Variants in MICU1 observed in about 807,000 individuals in gnomAD.
MICU1 encodes mitochondrial calcium uptake 1, also known as calcium uptake protein 1, mitochondrial.
MICU1 carries 45 observed loss-of-function variants against 56.8 expected under a neutral mutation model. The observed-to-expected ratio is 0.79, with a 90% CI of 0.62 to 1.02. The LOEUF (loss-of-function observed/expected upper bound fraction) is 1.02, where lower values mean the gene tolerates loss of function less well. Among genes scored for constraint, MICU1 ranks in the 50% least tolerant of loss-of-function variants. MICU1 has a pLI of 0.00. For missense variants in MICU1, 504 were observed against 587.1 expected (o/e 0.86, Z 1.46); for synonymous variants, 186 against 195.1 (o/e 0.95, Z 0.39).
intron 1 of MICU1, among the ~76,000 whole-genome samples, chr10:72,599,432 CA>C (rs777957465): frequency 1.3e-5 from 2 of 152,136 alleles, no homozygotes; most frequent in Admixed American, 6.6e-5. Flanking sequence ...CTGAACCATG[CA>C]ACTCCATCCC....
At chr10:72,402,951 G>A (rs1196676147) in intron 10 of MICU1, among the ~76,000 whole-genome samples, 3 of 152,196 alleles carry the variant, frequency 2.0e-5, no homozygotes, top group Non-Finnish European at 4.4e-5. Context: ...AGGCTGATGT[G>A]AGAGGATTGC....
chr10:72,578,853 C>T (rs989123788), intron 1 of MICU1, among the ~76,000 whole-genome samples: 14 of 152,214 alleles, frequency 9.2e-5, no homozygotes, highest in African/African-American at 3.4e-4. Flanking sequence ...GATCCATCCG[C>T]CTTGGCCTCC....
intron 1 of MICU1, among the ~76,000 whole-genome samples, chr10:72,577,725 AT>A (rs1840786418): frequency 6.6e-6 from 1 of 152,202 alleles, no homozygotes; most frequent in African/African-American, 2.4e-5. Context: ...AATTAAAAAA[AT>A]TTTTTTTAAA....
At chr10:72,450,723 A>ATT (rs1428279064) in intron 8 of MICU1, among the ~76,000 whole-genome samples, 2 of 140,048 alleles carry the variant, frequency 1.4e-5, no homozygotes, top group Admixed American at 7.7e-5. Context: ...TATTTTTTTA[A>ATT]TTCTTTTTTT....
chr10:72,488,662 A>C (rs575210200), intron 6 of MICU1, among the ~76,000 whole-genome samples: 6 of 152,294 alleles, frequency 3.9e-5, no homozygotes, highest in Non-Finnish European at 8.8e-5. Flanking sequence ...GCTCCAGTCA[A>C]GGGAGATTTA....
At chr10:72,409,732 A>T (rs1338814081) in intron 9 of MICU1, among the ~76,000 whole-genome samples, 1 of 152,172 alleles carries the variant, frequency 6.6e-6, no homozygotes, top group Non-Finnish European at 1.5e-5. Context: ...ATTATATCAC[A>T]TGATCTTTTA....
chr10:72,441,812 T>C (rs980494024), intron 8 of MICU1, among the ~76,000 whole-genome samples: 1 of 151,882 alleles, frequency 6.6e-6, no homozygotes, highest in Admixed American at 6.6e-5. Flanking sequence ...GAGATGCGGT[T>C]TCACCATGTT....
At chr10:72,387,336 T>TTA in intron 10 of MICU1, among the ~76,000 whole-genome samples, 1 of 152,198 alleles carries the variant, frequency 6.6e-6, no homozygotes, top group East Asian at 1.9e-4. Flanking sequence ...CCCTACGCTC[T>TTA]TACTAGAGTA....
Position 72,474,258 on chromosome 10 carries a change from CAAAAAAAAAAAAAA to C in MICU1, c.933+828_933+841del, listed in dbSNP as rs55978543. 1.5e-4 allele frequency among the ~76,000 whole-genome samples: 9 copies of C among 60,730 alleles called. No homozygotes were observed. In the East Asian group the frequency reaches 3.0e-3, roughly 20 times the overall value. The allele number at this position is 60,730 out of a possible 152,430, so 39.8% of individuals were successfully genotyped here. A position where few individuals can be genotyped will look rare whatever the true frequency, so the allele number is the denominator to read the frequency against. On this transcript the variant is annotated intron_variant, in intron 8 of 11. Coordinates refer to ENST00000361114, the MANE Select transcript of MICU1 (RefSeq NM_001195518.2). ...CCTGGCTGATGGAGTAGGACTGTCT[CAAAAAAAAAAAAAA>C]AAAAAAAAAAAAAAAGAAGAAAAAG...
chr10:72,484,369 TA>T (rs35180861), intron 6 of MICU1, among the ~76,000 whole-genome samples: 13 of 138,848 alleles, frequency 9.4e-5, no homozygotes, highest in African/African-American at 1.6e-4. Context: ...AACACAGAAT[TA>T]AAAAAAAAAT....
At chr10:72,566,899 T>G in intron 1 of MICU1, 105 bp from the exon 2 acceptor site, 1 of 946,330 alleles carries the variant, frequency 1.1e-6, no homozygotes, top group Non-Finnish European at 1.6e-6. Flanking sequence ...AATTGCTCTA[T>G]GACAGGCACT....
intron 9 of MICU1, among the ~76,000 whole-genome samples, chr10:72,409,084 C>T (rs553868908): frequency 1.3e-5 from 2 of 152,082 alleles, no homozygotes; most frequent in East Asian, 1.9e-4. Context: ...CTTTCCCCCG[C>T]TTCCCACACA....
intron 4 of MICU1, among the ~76,000 whole-genome samples, chr10:72,541,163 C>T (rs140564904): frequency 4.6e-4 from 70 of 152,298 alleles, no homozygotes; most frequent in Admixed American, 1.4e-3. Flanking sequence ...GGCAAGAGCC[C>T]GGGAATTGGA....
intron 2 of MICU1, 90 bp downstream of exon 2, chr10:72,566,543 G>A: frequency 7.5e-7 from 1 of 1,331,884 alleles, no homozygotes; most frequent in Non-Finnish European, 1.0e-6. Context: ...CTGATACAGA[G>A]TTAAGCCAGA....
chr10:72,487,951 C>A (rs886138181), intron 6 of MICU1, among the ~76,000 whole-genome samples: 1 of 152,138 alleles, frequency 6.6e-6, no homozygotes, highest in African/African-American at 2.4e-5. Context: ...AATCCTAGCA[C>A]TTTGGGAGGC....
At chr10:72,530,134 C>A (rs1839434983) in intron 5 of MICU1, among the ~76,000 whole-genome samples, 2 of 150,628 alleles carry the variant, frequency 1.3e-5, no homozygotes, top group African/African-American at 4.9e-5. Flanking sequence ...TCAAGACCAG[C>A]CTGGCCAACA....
chr10:72,369,175 G>GGCTAAGGCAGGAA (rs1217313050), intron 11 of MICU1, among the ~76,000 whole-genome samples: 4 of 152,026 alleles, frequency 2.6e-5, no homozygotes, highest in African/African-American at 4.8e-5. Flanking sequence ...CTACTTGGGA[G>GGCTAAGGCAGGAA]GCTAAGGCAG....
intron 3 of MICU1, among the ~76,000 whole-genome samples, chr10:72,558,266 A>T (rs970324381): frequency 1.3e-5 from 2 of 152,224 alleles, no homozygotes; most frequent in African/African-American, 4.8e-5. Context: ...TCATTGATAA[A>T]CCTAAAGCTG....
intron 1 of MICU1, among the ~76,000 whole-genome samples, chr10:72,577,104 G>A (rs1282746391): frequency 6.6e-6 from 1 of 152,040 alleles, no homozygotes; most frequent in Admixed American, 6.5e-5. Flanking sequence ...AATATTCTAT[G>A]TTCTCACTAA....
Sources: gnomAD v4.1 joint callset for allele counts (sites outside exome capture counted in the v4.1 genomes callset) on GRCh38, gnomAD v4.1.1 for gene constraint, MANE v1.5 for transcripts, NCBI Gene and HGNC (gene_info 2026-07-23, HGNC 2026-07-21) for gene names.